FAM193A: variants seen among roughly 807,000 people sequenced by gnomAD.
FAM193A encodes the protein family with sequence similarity 193 member A.
In FAM193A, 22 loss-of-function variants were observed where a neutral mutation model predicts 126.5. The ratio of observed to expected loss-of-function variants is 0.17; its 90% CI spans 0.12 to 0.25. The LOEUF (loss-of-function observed/expected upper bound fraction) is 0.25. Among genes scored for constraint, FAM193A ranks in the 10% least tolerant of loss-of-function variants. FAM193A has a pLI of 1.00. For synonymous variants in FAM193A, 761 were observed against 646.8 expected, an observed-to-expected ratio of 1.18 and a Z score of -2.68; for missense variants, 1,675 against 1,672.8, an observed-to-expected ratio of 1.00 and a Z score of -0.02.
rs1300241802 is a variant in FAM193A, at chr4:2,582,851, T to G, written c.256-13233T>G. ...TTTGTTGTATTTCACAGGAGGTTTC[T>G]TTGCATATTCTTCTCCCAGTTGTAT... is the stretch of plus-strand genomic sequence containing the variant. On this transcript the variant is annotated intron_variant, in intron 1 of 20. Coordinates refer to ENST00000637812, the MANE Select transcript of FAM193A (RefSeq NM_001366318.2). Among the ~76,000 whole-genome samples, 3 of 152,208 alleles carry G rather than the reference T, an allele frequency of 2.0e-5. No individual in the cohort carries two copies. In the East Asian group the frequency reaches 5.8e-4, roughly 29 times the overall value.
intron 2 of FAM193A, among the ~76,000 whole-genome samples, chr4:2,609,137 C>T (rs1741712968): frequency 6.6e-6 from 1 of 151,948 alleles, no homozygotes; most frequent in Non-Finnish European, 1.5e-5. Context: ...TGTGATCCAC[C>T]CGCCTCGGCC....
At chr4:2,687,578 A>G (rs1242541563) in intron 13 of FAM193A, among the ~76,000 whole-genome samples, 1 of 152,198 alleles carries the variant, frequency 6.6e-6, no homozygotes, top group East Asian at 1.9e-4. Context: ...CAGCAGTGGT[A>G]GCTCCTGGAC....
intron 4 of FAM193A, among the ~76,000 whole-genome samples, chr4:2,627,039 C>G (rs531121266): frequency 2.0e-5 from 3 of 152,244 alleles, no homozygotes; most frequent in Admixed American, 6.5e-5. Flanking sequence ...TGAGGCGTGC[C>G]TGGCCGTGTG....
chr4:2,697,533 A>G lies in FAM193A; in HGVS notation c.3507+940A>G, dbSNP rs147875890. On this transcript the variant is annotated intron_variant, in intron 18 of 20. Coordinates refer to ENST00000637812, the MANE Select transcript of FAM193A (RefSeq NM_001366318.2). Reference sequence around the variant, plus strand: ...TGTAGGTTCCTGGGGTTCTGACAGTAGGACAGTGGTCTTGGGAAGAGGCCA... The same window carrying G: ...TGTAGGTTCCTGGGGTTCTGACAGTGGGACAGTGGTCTTGGGAAGAGGCCA... 7.2e-5 allele frequency among the ~76,000 whole-genome samples: 11 copies of G among 152,292 alleles called. No individual in the cohort carries two copies. In the East Asian group the frequency reaches 9.6e-4, roughly 13 times the overall value.
Position 2,732,065 on chromosome 4 carries a change from A to T in FAM193A, c.*197A>T. 1.7e-6 allele frequency: 1 copy of T among 587,422 alleles called. No homozygotes were observed. The allele number at this position is 587,422 out of a possible 1,614,324, so 36.4% of individuals were successfully genotyped here. A position where few individuals can be genotyped will look rare whatever the true frequency, so the allele number is the denominator to read the frequency against. ...CGTGTGCGTGTAGTCTGTGCGTGAG[A>T]CTCCTTCGATTGTAGCTCTGTGCTG... On this transcript the variant is annotated 3_prime_UTR_variant, in exon 21 of 21. Coordinates refer to ENST00000637812, the MANE Select transcript of FAM193A (RefSeq NM_001366318.2).
chr4:2,651,765 A>G (rs954644784), intron 7 of FAM193A, among the ~76,000 whole-genome samples: 1 of 152,218 alleles, frequency 6.6e-6, no homozygotes, highest in South Asian at 2.1e-4. Context: ...GCCTGTCCTC[A>G]GGACAGCTCT....
At chr4:2,590,871 C>CA (rs1740529971) in intron 1 of FAM193A, among the ~76,000 whole-genome samples, 1 of 151,482 alleles carries the variant, frequency 6.6e-6, no homozygotes, top group Admixed American at 6.6e-5. Flanking sequence ...ACTAAAAATA[C>CA]AAAAAATTAA....
At position 2,672,164 on chromosome 4, in the gene FAM193A, A is replaced by G. The variant is rs1192129986; in HGVS notation, c.2123A>G (p.Gln708Arg). 2 of 1,614,076 alleles carry G rather than the reference A, an allele frequency of 1.2e-6. No individual in the cohort carries two copies. The highest frequency in any genetic ancestry group is 1.7e-6 in the Non-Finnish European group (2 of 1,180,032). Residue 708 changes from glutamine (Q) to arginine (R), a missense_variant, in exon 13 of 21, where the codon CAG becomes CGG. Gln to Arg is a conservative substitution (Grantham distance 43). This residue lies in a region of FAM193A where 1,186 missense variants were observed against 1,109.2 expected (regional missense o/e 1.07). Transcript: ENST00000637812. ...ACTTGTGAATGTCATGTTTGTAAGCAGGAAGCTTCTGGACTGACACCATCT... is the reference window on the plus strand; with the variant it reads ...ACTTGTGAATGTCATGTTTGTAAGCGGGAAGCTTCTGGACTGACACCATCT... ...PNTCECHVCK[Q>R]EASGLTPSAM...
intron 13 of FAM193A, among the ~76,000 whole-genome samples, chr4:2,683,919 C>G (rs1338227128): frequency 3.3e-5 from 5 of 152,184 alleles, no homozygotes; most frequent in Admixed American, 2.6e-4. Context: ...ACATATCTTG[C>G]AGCTCCCTGA....
upstream of FAM193A, among the ~76,000 whole-genome samples, chr4:2,535,442 A>C (rs892317831): frequency 6.6e-6 from 1 of 152,346 alleles, no homozygotes; most frequent in East Asian, 1.9e-4. Flanking sequence ...CAGGCCGTAC[A>C]TCCCAATGCC....
chr4:2,626,292 C>T (rs1035923092), intron 3 of FAM193A, 118 bp from the exon 4 acceptor site: 27 of 625,426 alleles, frequency 4.3e-5, no homozygotes, highest in Admixed American at 1.1e-4. Flanking sequence ...GCCTGATTGC[C>T]GGCTCCTGGG....
Position 2,547,686 on chromosome 4 carries a change from C to T in FAM193A, c.255+10516C>T, listed in dbSNP as rs535196289. ...TTTCGCCCAGGCTGGAGTGCAGTGG[C>T]GCGATCTTGGCTCCCTGCAACGTCT... On this transcript the variant is annotated intron_variant, in intron 1 of 20. Coordinates refer to ENST00000637812, the MANE Select transcript of FAM193A (RefSeq NM_001366318.2). Among the ~76,000 whole-genome samples the T allele has an allele frequency of 6.6e-5, 10 of 151,280 alleles. No homozygotes were observed. The South Asian group carries it at 1.7e-3, about 25-fold the overall frequency.
At chr4:2,678,788 T>C (rs7681728) in intron 13 of FAM193A, among the ~76,000 whole-genome samples, 53,031 of 152,154 alleles carry the variant, frequency 0.35, 10,942 homozygotes, top group Admixed American at 0.55. Context: ...CTTCCTACTT[T>C]GCTGAATTCA....
At chr4:2,703,072 T>C (rs955181225) in intron 19 of FAM193A, among the ~76,000 whole-genome samples, 1 of 152,160 alleles carries the variant, frequency 6.6e-6, no homozygotes, top group Non-Finnish European at 1.5e-5. Flanking sequence ...GACATAATAG[T>C]GACTTCTGGG....
intron 10 of FAM193A, among the ~76,000 whole-genome samples, chr4:2,660,769 G>T (rs1240092620): frequency 6.6e-6 from 1 of 152,208 alleles, no homozygotes; most frequent in Non-Finnish European, 1.5e-5. Context: ...ACTGACTTGT[G>T]TTCATTCCTT....
intron 2 of FAM193A, among the ~76,000 whole-genome samples, chr4:2,604,090 G>A (rs959282980): frequency 3.3e-5 from 5 of 151,994 alleles, no homozygotes; most frequent in African/African-American, 1.2e-4. Context: ...TGATCCGCCC[G>A]CCTCACCCTC....
chr4:2,650,168 A>G (rs1448776865), intron 7 of FAM193A, among the ~76,000 whole-genome samples: 1 of 152,200 alleles, frequency 6.6e-6, no homozygotes, highest in Admixed American at 6.5e-5. Flanking sequence ...AATAGAAACA[A>G]AGTGCACAAT....
At chr4:2,660,096 G>A (rs765368271) in intron 10 of FAM193A, 42 bp downstream of exon 10, 31 of 1,599,218 alleles carry the variant, frequency 1.9e-5, no homozygotes, top group Middle Eastern at 3.3e-4. Context: ...AATTTAAGTC[G>A]CCCCAGTAAT....
chr4:2,601,993 C>T (rs1460215791), intron 2 of FAM193A, among the ~76,000 whole-genome samples: 2 of 151,954 alleles, frequency 1.3e-5, no homozygotes. Flanking sequence ...CATGTACCAC[C>T]GTGCCCAGCT....
Sources: gnomAD v4.1 joint callset for allele counts (sites outside exome capture counted in the v4.1 genomes callset) on GRCh38, gnomAD v4.1.1 for gene constraint, gnomAD v4.1.1 regional missense constraint, MANE v1.5 for transcripts, NCBI Gene and HGNC (gene_info 2026-07-23, HGNC 2026-07-21) for gene names.